The following HSDL2 variants were observed in gnomAD, a reference collection of about 807,000 sequenced individuals.
HSDL2 encodes the protein hydroxysteroid dehydrogenase like 2, also known as hydroxysteroid dehydrogenase-like protein 2.
A neutral mutation model predicts 46.3 loss-of-function variants in HSDL2; 27 were observed. That is an observed-to-expected ratio of 0.58 (90% CI 0.43 to 0.80). The LOEUF (loss-of-function observed/expected upper bound fraction) is 0.80, where lower values mean the gene tolerates loss of function less well. Ranked by LOEUF, HSDL2 falls within the 30% of genes least tolerant of loss-of-function variation. HSDL2 has a pLI of 0.00. For missense variants in HSDL2, 451 were observed against 502.7 expected (o/e 0.90, Z 0.98); for synonymous variants, 153 against 163.6 (o/e 0.94, Z 0.50).
intron 4 of HSDL2, among the ~76,000 whole-genome samples, chr9:112,413,477 T>C (rs1047855256): frequency 1.4e-5 from 2 of 142,688 alleles, no homozygotes; most frequent in African/African-American, 2.6e-5. Context: ...AAGTGCGAAA[T>C]TCCCTCTCAA....
chr9:112,382,288 C>T (rs1831116936), intron 1 of HSDL2, among the ~76,000 whole-genome samples: 2 of 152,066 alleles, frequency 1.3e-5, no homozygotes, highest in Non-Finnish European at 2.9e-5. Context: ...AGGAAATGCA[C>T]TTTATATTTT....
intron 10 of HSDL2, among the ~76,000 whole-genome samples, chr9:112,468,947 A>T (rs1181275423): frequency 1.3e-5 from 2 of 152,184 alleles, no homozygotes; most frequent in African/African-American, 4.8e-5. Context: ...GATCCAGTTG[A>T]TTTAGCTGAA....
intron 6 of HSDL2, among the ~76,000 whole-genome samples, chr9:112,425,125 AAT>A (rs1393487681): frequency 1.3e-5 from 2 of 152,144 alleles, no homozygotes; most frequent in African/African-American, 4.8e-5. Context: ...TTTTCATCAT[AAT>A]ATATATGCAG....
At chr9:112,463,840 T>C (rs1008363971) in intron 10 of HSDL2, among the ~76,000 whole-genome samples, 1 of 151,862 alleles carries the variant, frequency 6.6e-6, no homozygotes, top group Non-Finnish European at 1.5e-5. Context: ...TTTGTATTTT[T>C]ACTAGAGACG....
At chr9:112,400,106 A>G (rs1457151019) in intron 1 of HSDL2, among the ~76,000 whole-genome samples, 1 of 152,208 alleles carries the variant, frequency 6.6e-6, no homozygotes, top group Non-Finnish European at 1.5e-5. Context: ...TTCCCGCAAC[A>G]AGAAGGAACA....
intron 1 of HSDL2, among the ~76,000 whole-genome samples, chr9:112,387,740 A>T (rs1436839628): frequency 6.6e-6 from 1 of 152,194 alleles, no homozygotes; most frequent in Non-Finnish European, 1.5e-5. Flanking sequence ...TTGACATTAT[A>T]AAGTGAGTAC....
At chr9:112,467,767 C>G (rs1035619631) in intron 10 of HSDL2, among the ~76,000 whole-genome samples, 14 of 152,158 alleles carry the variant, frequency 9.2e-5, no homozygotes, top group African/African-American at 3.4e-4. Flanking sequence ...TCTACGTTGT[C>G]AAATGTATCA....
At chr9:112,428,980 C>CCT (rs760347373) in intron 6 of HSDL2, among the ~76,000 whole-genome samples, 11 of 152,198 alleles carry the variant, frequency 7.2e-5, no homozygotes, top group Non-Finnish European at 1.6e-4. Context: ...CTCACTGCAA[C>CCT]CTCTGCCTCC....
intron 1 of HSDL2, among the ~76,000 whole-genome samples, chr9:112,399,866 AAC>A (rs1831548809): frequency 6.6e-6 from 1 of 151,884 alleles, no homozygotes; most frequent in African/African-American, 2.4e-5. Flanking sequence ...ATATTGTTCA[AAC>A]ACACATGTTT....
intron 10 of HSDL2, among the ~76,000 whole-genome samples, chr9:112,461,675 TA>T (rs1833214104): frequency 6.6e-6 from 1 of 152,244 alleles, no homozygotes; most frequent in South Asian, 2.1e-4. Flanking sequence ...TTTATAGCAG[TA>T]AGTACTGAGG....
chr9:112,382,901 A>C (rs1831128831), intron 1 of HSDL2, among the ~76,000 whole-genome samples: 1 of 150,656 alleles, frequency 6.6e-6, no homozygotes, highest in Non-Finnish European at 1.5e-5. Flanking sequence ...CAGAGTTATC[A>C]GTCTCTTAAG....
At chr9:112,386,640 C>G (rs916145721) in intron 1 of HSDL2, among the ~76,000 whole-genome samples, 3 of 147,784 alleles carry the variant, frequency 2.0e-5, no homozygotes, top group African/African-American at 7.3e-5. Flanking sequence ...AAAAATTAAC[C>G]AAGCGTGGTG....
At chr9:112,452,610 G>A (rs930609765) in intron 8 of HSDL2, among the ~76,000 whole-genome samples, 12 of 152,166 alleles carry the variant, frequency 7.9e-5, no homozygotes, top group African/African-American at 2.7e-4. Flanking sequence ...AGCCGGGCAC[G>A]GTGGTGGGCA....
At chr9:112,428,015 C>T (rs186071216) in intron 6 of HSDL2, among the ~76,000 whole-genome samples, 19 of 152,088 alleles carry the variant, frequency 1.2e-4, no homozygotes, top group Non-Finnish European at 1.9e-4. Flanking sequence ...ACTGAACTGC[C>T]GCATATAGCT....
chr9:112,437,253 C>G (rs1167993142), intron 6 of HSDL2, among the ~76,000 whole-genome samples: 1 of 152,026 alleles, frequency 6.6e-6, no homozygotes. Flanking sequence ...AGCCACCGCA[C>G]CTAGCTATTT....
At chr9:112,429,558 A>C (rs1230575371) in intron 6 of HSDL2, among the ~76,000 whole-genome samples, 1 of 152,236 alleles carries the variant, frequency 6.6e-6, no homozygotes. Flanking sequence ...TTCATCGGAC[A>C]CTTATTTTAT....
intron 10 of HSDL2, among the ~76,000 whole-genome samples, chr9:112,461,072 C>T (rs1833196214): frequency 6.6e-6 from 1 of 151,730 alleles, no homozygotes; most frequent in Non-Finnish European, 1.5e-5. Flanking sequence ...TTGGTTATCC[C>T]TTTAATGAAT....
intron 6 of HSDL2, among the ~76,000 whole-genome samples, chr9:112,426,557 C>G (rs566872209): frequency 3.3e-5 from 5 of 152,218 alleles, no homozygotes; most frequent in East Asian, 1.9e-4. Context: ...TCTATGCAGT[C>G]TGTTAGGTGT....
chr9:112,421,846 G>A (rs915145071), intron 6 of HSDL2, among the ~76,000 whole-genome samples: 18 of 152,178 alleles, frequency 1.2e-4, no homozygotes, highest in African/African-American at 4.1e-4. Flanking sequence ...CTGCTAGGAC[G>A]GTGGGCAGGT....
Sources: allele counts gnomAD v4.1 joint callset (sites outside exome capture counted in the v4.1 genomes callset), GRCh38; gene constraint gnomAD v4.1.1; transcripts MANE v1.5; gene names NCBI Gene and HGNC (gene_info 2026-07-23, HGNC 2026-07-21).